WHAMM: variants seen among roughly 807,000 people sequenced by gnomAD.
WHAMM encodes WASP homolog-associated protein with actin, membranes and microtubules.
Under a neutral mutation model 76.5 loss-of-function variants are expected in WHAMM, and 67 were observed. That is an observed-to-expected ratio of 0.88 (90% CI 0.72 to 1.07). The LOEUF is 1.07. Among genes scored for constraint, WHAMM ranks in the 50% least tolerant of loss-of-function variants. The pLI, the probability that WHAMM is intolerant of heterozygous loss-of-function variation, is 0.00. For synonymous variants in WHAMM, 419 were observed against 422.1 expected (o/e 0.99, Z 0.09); for missense variants, 1,021 against 1,051.1 (o/e 0.97, Z 0.40).
chr15:82,814,575 C>T (rs1309016187), intron 2 of WHAMM, among the ~76,000 whole-genome samples: 1 of 151,660 alleles, frequency 6.6e-6, no homozygotes, highest in South Asian at 2.1e-4. Flanking sequence ...CTCAGCCTCC[C>T]GAGTAGCTGG....
At chr15:82,810,647 G>C in intron 1 of WHAMM, 2 of 985,478 alleles carry the variant, frequency 2.0e-6, no homozygotes, top group South Asian at 4.7e-5. Context: ...GGAAATGCCA[G>C]AAATATTGCA....
chr15:82,826,440 T>C lies in WHAMM; in HGVS notation c.1489T>C (p.Leu497=), dbSNP rs773877791. Residue 497 remains leucine (L), a synonymous_variant, in exon 7 of 10, where the codon TTG becomes CTG. Transcript: ENST00000286760. ...DQCKENHRFR[L]QQAEESIRYS... is the part of the protein sequence containing the mutation. ...GTGCAAAGAAAATCATCGGTTCAGATTGCAACAGGCTGAAGAAAGCATAAG... is the reference window on the plus strand; with the variant it reads ...GTGCAAAGAAAATCATCGGTTCAGACTGCAACAGGCTGAAGAAAGCATAAG... The C allele has an allele frequency of 1.5e-5, 24 of 1,613,918 alleles. 1 individual carries two copies. In the Admixed American group the frequency reaches 1.5e-4, roughly 10 times the overall value.
chr15:82,817,718 ACTGT>A (rs1023226696), intron 3 of WHAMM, among the ~76,000 whole-genome samples, 198 bp from the exon 4 acceptor site: 3 of 152,208 alleles, frequency 2.0e-5, no homozygotes, highest in Non-Finnish European at 2.9e-5. Flanking sequence ...ATCATGACTT[ACTGT>A]CTTTTTAAAA....
rs71156055 is a variant in WHAMM at position 82,824,162 on chromosome 15, C to CTTTTTTTTTTTTTTTTTT, written c.1458+888_1458+889insTTTTTTTTTTTTTTTTTT. Reference sequence around the variant, plus strand: ...TACTCATATTTACTATACTTTTCTCCTTTTTTTTTTTTTGAAACAGAGTCT... The same window carrying CTTTTTTTTTTTTTTTTTT: ...TACTCATATTTACTATACTTTTCTCCTTTTTTTTTTTTTTTTTTTTTTTTTTTTTTTGAAACAGAGTCT... On this transcript the variant is annotated intron_variant, in intron 6 of 9. Coordinates refer to ENST00000286760, the MANE Select transcript of WHAMM (RefSeq NM_001080435.3). 6.0e-3 allele frequency among the ~76,000 whole-genome samples: 702 copies of CTTTTTTTTTTTTTTTTTT among 117,880 alleles called. 67 individuals carry two copies. The highest frequency in any genetic ancestry group is 8.9e-3 in the Non-Finnish European group (510 of 57,462). 77.3% of individuals were successfully genotyped at this position (117,880 alleles called of 152,430 possible). A position where few individuals can be genotyped will look rare whatever the true frequency, so the allele number is the denominator to read the frequency against.
chr15:82,826,862 A>AGCG lies in WHAMM; in HGVS notation c.1641+16_1641+17insGCG. 27 of 1,512,850 alleles carry AGCG rather than the reference A, an allele frequency of 1.8e-5. No homozygotes were observed. The highest frequency in any genetic ancestry group is 1.3e-4 in the South Asian group (10 of 77,044). 93.7% of individuals were successfully genotyped at this position (1,512,850 alleles called of 1,614,324 possible). On this transcript the variant is annotated intron_variant, in intron 8 of 9. Transcript: ENST00000286760. ...ATTTAAAGATGTAAGTTCTATAAAC[A>AGCG]ATCACCTCATCTACACTTCTGGGGA...
rs987688594 is a variant in WHAMM, at chr15:82,810,348, C to T, written c.609+13C>T. 9 of 1,303,996 alleles carry T rather than the reference C, an allele frequency of 6.9e-6. No individual in the cohort carries two copies. The African/African-American group carries it at 1.2e-4, about 18-fold the overall frequency. The allele number at this position is 1,303,996 out of a possible 1,614,324, so 80.8% of individuals were successfully genotyped here. On this transcript the variant is annotated intron_variant, in intron 1 of 9. Coordinates refer to ENST00000286760, the MANE Select transcript of WHAMM (RefSeq NM_001080435.3). The stretch of plus-strand genomic sequence containing the variant: ...GCGGCTGCGCCAGGTAAGCGAGGCC[C>T]GGTCGCCGGCGTTCGTCCGCGCTTC...
At chr15:82,817,735 G>T (rs1476570992) in intron 3 of WHAMM, among the ~76,000 whole-genome samples, 185 bp from the exon 4 acceptor site, 1 of 151,782 alleles carries the variant, frequency 6.6e-6, no homozygotes, top group African/African-American at 2.4e-5. Context: ...TTTTAAAAAT[G>T]GAATACCTAA....
Position 82,822,824 on chromosome 15 carries a change from G to GTA in WHAMM, c.1271-263_1271-262dup, listed in dbSNP as rs67120933. The stretch of plus-strand genomic sequence containing the variant: ...ATGTAAGTAGTATGTGTGTGTGTGT[G>GTA]TATATATATATATACACACATATGT... On this transcript the variant is annotated intron_variant, in intron 5 of 9. Coordinates refer to ENST00000286760, the MANE Select transcript of WHAMM (RefSeq NM_001080435.3). Among the ~76,000 whole-genome samples, 1,007 of 141,866 alleles carry GTA rather than the reference G, an allele frequency of 7.1e-3. 5 individuals carry two copies. Among genetic ancestry groups the GTA allele is most frequent in the East Asian group, 9.7e-3 (48 of 4,926 alleles). The allele number at this position is 141,866 out of a possible 152,430, so 93.1% of individuals were successfully genotyped here. A position where few individuals can be genotyped will look rare whatever the true frequency, so the allele number is the denominator to read the frequency against.
chr15:82,823,046 T>C (rs2050862085), intron 5 of WHAMM, 54 bp from the exon 6 acceptor site: 1 of 1,258,348 alleles, frequency 7.9e-7, no homozygotes. Context: ...AAAAATTCAA[T>C]GCATTTTTTA....
chr15:82,832,998 A>G (rs2051056741), intron 9 of WHAMM, among the ~76,000 whole-genome samples: 2 of 152,344 alleles, frequency 1.3e-5, no homozygotes, highest in South Asian at 2.1e-4. Context: ...TATGGATTTG[A>G]AGAAGTTAGC....
chr15:82,815,977 C>A (rs2050719882), intron 2 of WHAMM, among the ~76,000 whole-genome samples: 5 of 152,086 alleles, frequency 3.3e-5, no homozygotes, highest in Admixed American at 2.6e-4. Flanking sequence ...AGTCTGAGAT[C>A]AAGGTGCTCA....
chr15:82,826,445 A>G lies in WHAMM; in HGVS notation c.1494A>G (p.Gln498=), dbSNP rs761415571. 7 of 1,613,956 alleles carry G rather than the reference A, an allele frequency of 4.3e-6. No homozygotes were observed. The African/African-American group carries it at 8.0e-5, about 18-fold the overall frequency. The change falls in exon 7 of 10, where the codon CAA becomes CAG. Residue 498 remains glutamine (Q), a synonymous_variant. Coordinates refer to ENST00000286760, the MANE Select transcript of WHAMM (RefSeq NM_001080435.3). The part of the protein sequence containing the change: ...QCKENHRFRL[Q]QAEESIRYSR... ...AAGAAAATCATCGGTTCAGATTGCA[A>G]CAGGCTGAAGAAAGCATAAGATACT... is the stretch of plus-strand genomic sequence containing the variant.
intron 1 of WHAMM, 126 bp downstream of exon 1, chr15:82,810,461 C>T (rs1372251585): frequency 1.1e-5 from 14 of 1,222,272 alleles, no homozygotes; most frequent in Non-Finnish European, 1.4e-5. Context: ...CGGAGAAGGC[C>T]GCGGGCTCCC....
intron 2 of WHAMM, 96 bp downstream of exon 2, chr15:82,813,372 G>A: frequency 8.8e-7 from 1 of 1,139,092 alleles, no homozygotes; most frequent in Non-Finnish European, 1.2e-6. Context: ...TTTGTACTTT[G>A]TTTGGGTTTA....
rs1294622458 is a variant in WHAMM, at chr15:82,823,032, T to C, written c.1271-68T>C. 7 of 1,232,748 alleles carry C rather than the reference T, an allele frequency of 5.7e-6. No homozygotes were observed. In the South Asian group the frequency reaches 1.9e-4, roughly 33 times the overall value. The allele number at this position is 1,232,748 out of a possible 1,614,324, so 76.4% of individuals were successfully genotyped here. A position where few individuals can be genotyped will look rare whatever the true frequency, so the allele number is the denominator to read the frequency against. ...CAAGTGATCTTTATTTTTCTTACAT[T>C]TAAAAAAATTCAATGCATTTTTTAA... is the stretch of plus-strand genomic sequence containing the variant. On this transcript the variant is annotated intron_variant, in intron 5 of 9. Transcript: ENST00000286760.
At chr15:82,814,413 C>CT (rs1420472499) in intron 2 of WHAMM, among the ~76,000 whole-genome samples, 1 of 152,140 alleles carries the variant, frequency 6.6e-6, no homozygotes, top group Non-Finnish European at 1.5e-5. Context: ...TTTTGAAAGT[C>CT]TATTATTTGG....
intron 5 of WHAMM, among the ~76,000 whole-genome samples, chr15:82,821,004 CAG>C (rs1246622255): frequency 1.3e-5 from 2 of 151,596 alleles, no homozygotes; most frequent in African/African-American, 4.9e-5. Context: ...GCTTACTTGA[CAG>C]AGAAAATGGC....
intron 6 of WHAMM, 27 bp from the exon 7 acceptor site, chr15:82,826,383 T>C (rs1208805132): frequency 1.9e-6 from 3 of 1,611,814 alleles, no homozygotes; most frequent in South Asian, 1.1e-5. Context: ...TTAAAAACCA[T>C]GTAGGTGATT....
rs2050828024 is a variant in WHAMM, at chr15:82,821,559, C to T, written c.1271-1541C>T. ...TTTGGTCTGTTTCTGTGTTGTTCTC[C>T]TCCATTGGTTTGTGAGTGGCTTCTG... On this transcript the variant is annotated intron_variant, in intron 5 of 9. Coordinates refer to ENST00000286760, the MANE Select transcript of WHAMM (RefSeq NM_001080435.3). 2.0e-5 allele frequency among the ~76,000 whole-genome samples: 3 copies of T among 152,066 alleles called. No individual in the cohort carries two copies. In the South Asian group the frequency reaches 6.2e-4, roughly 31 times the overall value.
Sources: gnomAD v4.1 joint callset for allele counts (sites outside exome capture counted in the v4.1 genomes callset) on GRCh38, gnomAD v4.1.1 for gene constraint, MANE v1.5 for transcripts, NCBI Gene and HGNC (gene_info 2026-07-23, HGNC 2026-07-21) for gene names.